The following WNT9B variants were observed in gnomAD, a reference collection of about 807,000 sequenced individuals.
WNT9B encodes Wnt family member 9B.
Under a neutral mutation model 30.2 loss-of-function variants are expected in WNT9B, and 12 were observed. The observed-to-expected ratio is 0.40, with a 90% CI of 0.26 to 0.64. The LOEUF is 0.64. Among genes scored for constraint, WNT9B ranks in the 30% least tolerant of loss-of-function variants. The probability of loss-of-function intolerance (pLI) is 0.42; values close to 1 mark genes in which losing one functional copy is unlikely to be tolerated. For missense variants in WNT9B, 442 were observed against 485.2 expected (o/e 0.91, Z 0.84); for synonymous variants, 218 against 216.9 (o/e 1.01, Z -0.05).
chr17:46,861,054 G>C (rs182435612), intron 1 of WNT9B, among the ~76,000 whole-genome samples: 2 of 152,208 alleles, frequency 1.3e-5, no homozygotes, highest in Admixed American at 6.5e-5. Flanking sequence ...GTGCGTGTTG[G>C]GGGGAAACTG....
At position 46,833,441 on chromosome 17, in the gene WNT9B, G is replaced by A. The variant is rs1261457863; in HGVS notation, c.95+1G>A. The A allele has an allele frequency of 3.9e-6, 2 of 513,934 alleles. No homozygotes were observed. Among genetic ancestry groups the A allele is most frequent in the Middle Eastern group, 3.3e-4 (1 of 3,052 alleles). The allele number at this position is 513,934 out of a possible 1,614,324, so 31.8% of individuals were successfully genotyped here. A position where few individuals can be genotyped will look rare whatever the true frequency, so the allele number is the denominator to read the frequency against. On this transcript the variant is annotated splice_donor_variant, in intron 1 of 2. Coordinates refer to the WNT9B transcript ENST00000575372. LOFTEE classifies it high-confidence loss of function. ...CCAGCCCTCTAAGAAGAATCAGAAG[G>A]TGAGTGTTAGGGAGGAAGGGACAGC...
chr17:46,841,549 G>T (rs547530532), intron 1 of WNT9B, among the ~76,000 whole-genome samples: 1 of 152,372 alleles, frequency 6.6e-6, no homozygotes, highest in Non-Finnish European at 1.5e-5. Context: ...ATTGAGAGCG[G>T]GTTAAGGTGG....
At chr17:46,834,866 A>G (rs1199443165) in intron 1 of WNT9B, among the ~76,000 whole-genome samples, 1 of 152,150 alleles carries the variant, frequency 6.6e-6, no homozygotes, top group Non-Finnish European at 1.5e-5. Context: ...GAGTCTCTGG[A>G]GGCCCACCTT....
intron 1 of WNT9B, among the ~76,000 whole-genome samples, chr17:46,866,366 G>GT (rs1491387721): frequency 1.3e-5 from 2 of 152,064 alleles, no homozygotes; most frequent in East Asian, 3.9e-4. Context: ...GTGTGTGTGA[G>GT]TGTGTATGTG....
chr17:46,858,526 C>T (rs193276512), intron 1 of WNT9B, among the ~76,000 whole-genome samples: 72 of 151,978 alleles, frequency 4.7e-4, no homozygotes, highest in Admixed American at 1.8e-3. Flanking sequence ...TTTCGGTCCT[C>T]CAGGCTAGAG....
chr17:46,885,274 G>A (rs979139689), downstream of WNT9B: 1 of 287,994 alleles, frequency 3.5e-6, no homozygotes, highest in African/African-American at 2.3e-5. Flanking sequence ...CCAAAGTGCT[G>A]GGATTACCGG....
At chr17:46,874,821 G>T (rs1362910492) in intron 2 of WNT9B, 5 of 567,752 alleles carry the variant, frequency 8.8e-6, no homozygotes, top group Non-Finnish European at 1.6e-5. Flanking sequence ...CAAATGATCC[G>T]CCCGCCTTGG....
chr17:46,833,720 G>A (rs117740527), intron 1 of WNT9B, among the ~76,000 whole-genome samples: 49 of 152,286 alleles, frequency 3.2e-4, no homozygotes, highest in East Asian at 2.9e-3. Context: ...TGTTTCCCAC[G>A]TGAGTGAGCG....
chr17:46,839,285 C>T (rs569302089), intron 1 of WNT9B, among the ~76,000 whole-genome samples: 16 of 152,358 alleles, frequency 1.1e-4, no homozygotes, highest in Admixed American at 8.5e-4. Flanking sequence ...TGTGGCCATG[C>T]GACCCAGCAT....
chr17:46,849,246 G>A (rs2084811343), upstream of WNT9B, among the ~76,000 whole-genome samples: 3 of 152,218 alleles, frequency 2.0e-5, 1 homozygote, highest in South Asian at 4.1e-4. Context: ...CGAGTCTTGG[G>A]TGCTTCTTCC....
rs577614901 is a variant in WNT9B, at chr17:46,873,836, A to G, written c.334+1063A>G. Among the ~76,000 whole-genome samples the G allele has an allele frequency of 2.6e-5, 4 of 152,184 alleles. No homozygotes were observed. The South Asian group carries it at 8.3e-4, about 32-fold the overall frequency. On this transcript the variant is annotated intron_variant, in intron 2 of 3. Transcript: ENST00000290015. ...GAAACCCCATCTCTACTAAAAATAC[A>G]AAAATTAGCTGGCATGGTGGCAGGA...
chr17:46,845,977 G>C (rs1352852446), intron 1 of WNT9B, among the ~76,000 whole-genome samples: 1 of 152,040 alleles, frequency 6.6e-6, no homozygotes, highest in Non-Finnish European at 1.5e-5. Flanking sequence ...TTTCAGCAGA[G>C]ATGGGGTTTT....
intron 1 of WNT9B, among the ~76,000 whole-genome samples, chr17:46,864,307 C>T (rs1234326247): frequency 6.6e-6 from 1 of 152,176 alleles, no homozygotes; most frequent in Non-Finnish European, 1.5e-5. Flanking sequence ...CCCTGAACTT[C>T]CCACCCACTG....
At chr17:46,863,539 G>C (rs2085078630) in intron 1 of WNT9B, among the ~76,000 whole-genome samples, 1 of 152,212 alleles carries the variant, frequency 6.6e-6, no homozygotes, top group Admixed American at 6.5e-5. Flanking sequence ...AGGATGGTTA[G>C]AGGGGGATGG....
intron 2 of WNT9B, among the ~76,000 whole-genome samples, chr17:46,873,331 C>T (rs186031843): frequency 6.6e-6 from 1 of 152,176 alleles, no homozygotes; most frequent in Admixed American, 6.5e-5. Context: ...TCCATGGAGG[C>T]CCATAGTGAG....
intron 1 of WNT9B, among the ~76,000 whole-genome samples, chr17:46,836,095 C>CTGTGTGTGTGTGT (rs771533837): frequency 7.9e-6 from 1 of 126,434 alleles, no homozygotes; most frequent in Non-Finnish European, 1.6e-5. Flanking sequence ...GAGACGCTGA[C>CTGTGTGTGTGTGT]GTGTGTGTGT....
chr17:46,849,191 A>T (rs2084810581), upstream of WNT9B, among the ~76,000 whole-genome samples: 2 of 152,164 alleles, frequency 1.3e-5, no homozygotes, highest in African/African-American at 4.8e-5. Flanking sequence ...ATCCATCTAA[A>T]TATTTTCCTC....
At chr17:46,867,086 A>C (rs2085152458) in intron 1 of WNT9B, among the ~76,000 whole-genome samples, 1 of 152,160 alleles carries the variant, frequency 6.6e-6, no homozygotes, top group Non-Finnish European at 1.5e-5. Context: ...GTGTTTCCTC[A>C]AGGAGGCAGG....
Position 46,867,941 on chromosome 17 carries a change from G to A in WNT9B, c.78-4576G>A, listed in dbSNP as rs74836509. Among the ~76,000 whole-genome samples, 1,123 of 152,250 alleles carry A rather than the reference G, an allele frequency of 7.4e-3. 6 individuals carry two copies. Among genetic ancestry groups the A allele is most frequent in the Middle Eastern group, 0.041 (12 of 294 alleles). On this transcript the variant is annotated intron_variant, in intron 1 of 3. Transcript: ENST00000290015. Reference sequence around the variant, plus strand: ...GATGAACCTGACCACCAAGGACCATGGGGTGAAGGTGCAGAGAACAGAAGG... The same window carrying A: ...GATGAACCTGACCACCAAGGACCATAGGGTGAAGGTGCAGAGAACAGAAGG...
Sources: gnomAD v4.1 joint callset for allele counts (sites outside exome capture counted in the v4.1 genomes callset) on GRCh38, gnomAD v4.1.1 for gene constraint, MANE v1.5 for transcripts, NCBI Gene and HGNC (gene_info 2026-07-23, HGNC 2026-07-21) for gene names.